LMLN: variants seen among roughly 807,000 people sequenced by gnomAD.
LMLN encodes leishmanolysin like peptidase.
LMLN carries 70 observed loss-of-function variants against 92.3 expected under a neutral mutation model. That is an observed-to-expected ratio of 0.76 (90% CI 0.63 to 0.92). LMLN has a LOEUF of 0.92. Ranked by LOEUF, LMLN falls within the 40% of genes least tolerant of loss-of-function variation. The pLI is 0.00. For synonymous variants in LMLN, 308 were observed against 296.2 expected (o/e 1.04, Z -0.41); for missense variants, 691 against 814.6 (o/e 0.85, Z 1.85).
At chr3:197,972,188 T>C (rs1721248669) in intron 1 of LMLN, among the ~76,000 whole-genome samples, 1 of 151,762 alleles carries the variant, frequency 6.6e-6, no homozygotes, top group Non-Finnish European at 1.5e-5. Flanking sequence ...CCTCAGCCTC[T>C]GGAGTGCTGG....
chr3:198,038,484 T>C, intron 15 of LMLN, 83 bp from the exon 17 acceptor site: 2 of 974,386 alleles, frequency 2.1e-6, no homozygotes, highest in Non-Finnish European at 3.3e-6. Flanking sequence ...TAATAATCAC[T>C]GCTCTTCATC....
chr3:198,024,462 A>C (rs534077126), intron 13 of LMLN, among the ~76,000 whole-genome samples, 196 bp from the exon 15 acceptor site: 1 of 152,076 alleles, frequency 6.6e-6, no homozygotes, highest in African/African-American at 2.4e-5. Context: ...TGATCTGCCC[A>C]CCTCAGCCTC....
intron 11 of LMLN, among the ~76,000 whole-genome samples, chr3:198,016,906 TA>T (rs1176481578): frequency 3.3e-5 from 5 of 152,150 alleles, no homozygotes; most frequent in African/African-American, 1.2e-4. Context: ...CCTCTACTTT[TA>T]TACAGCAAGA....
At chr3:197,960,283 G>A in exon 1 of LMLN, 2 of 1,613,686 alleles carry the variant, frequency 1.2e-6, no homozygotes, top group East Asian at 2.2e-5. Flanking sequence ...GGTTACTCGG[G>A]CTCAGGCCCG....
At chr3:198,026,716 G>A (rs1442801744) in intron 14 of LMLN, among the ~76,000 whole-genome samples, 1 of 152,186 alleles carries the variant, frequency 6.6e-6, no homozygotes, top group Non-Finnish European at 1.5e-5. Flanking sequence ...TTTTAATGGA[G>A]TATGGTGTTT....
chr3:198,013,723 C>T (rs1174798593), intron 11 of LMLN, among the ~76,000 whole-genome samples: 1 of 131,454 alleles, frequency 7.6e-6, no homozygotes. Context: ...CTTCTCTCCA[C>T]CCTTCAGAGT....
At chr3:197,992,203 C>T (rs1242611051) in intron 9 of LMLN, among the ~76,000 whole-genome samples, 6 of 151,936 alleles carry the variant, frequency 3.9e-5, no homozygotes, top group Admixed American at 6.6e-5. Context: ...TCTGTTTCTC[C>T]GGAGAACCTT....
At chr3:197,991,916 C>T (rs1429296487) in intron 9 of LMLN, among the ~76,000 whole-genome samples, 1 of 145,522 alleles carries the variant, frequency 6.9e-6, no homozygotes, top group African/African-American at 2.6e-5. Context: ...GGCTGGAGTG[C>T]AATGGCACGA....
At chr3:198,013,757 C>G (rs1256832343) in intron 11 of LMLN, among the ~76,000 whole-genome samples, 3 of 124,896 alleles carry the variant, frequency 2.4e-5, no homozygotes, top group Non-Finnish European at 3.3e-5. Context: ...TGACTTCTCT[C>G]CACCCTTCAG....
At chr3:198,008,043 T>C (rs1722339251) in intron 11 of LMLN, among the ~76,000 whole-genome samples, 2 of 152,236 alleles carry the variant, frequency 1.3e-5, no homozygotes, top group African/African-American at 2.4e-5. Flanking sequence ...TGGTTGATTT[T>C]CAAATATTAA....
At chr3:198,033,201 T>G (rs1370935951) in intron 14 of LMLN, among the ~76,000 whole-genome samples, 1 of 152,204 alleles carries the variant, frequency 6.6e-6, no homozygotes, top group Non-Finnish European at 1.5e-5. Flanking sequence ...CCATGTGCAT[T>G]CTGCTTCCCA....
chr3:197,981,472 TCTGTGCTAAAA>T (rs1721556365), intron 6 of LMLN, among the ~76,000 whole-genome samples: 1 of 152,248 alleles, frequency 6.6e-6, no homozygotes. Flanking sequence ...TTTTAGGACT[TCTGTGCTAAAA>T]CTGTGAAGAA....
chr3:197,999,314 A>G (rs1722109521), exon 11 of LMLN: 2 of 1,613,410 alleles, frequency 1.2e-6, no homozygotes, highest in Non-Finnish European at 1.7e-6. Flanking sequence ...ACTCTCTCGA[A>G]TCACTCTGGC....
chr3:197,970,124 C>T (rs145344888), intron 1 of LMLN, among the ~76,000 whole-genome samples: 2,586 of 151,946 alleles, frequency 0.017, 39 homozygotes, highest in African/African-American at 0.036. Flanking sequence ...TGCACTCCAG[C>T]CTGGGCAATA....
chr3:197,991,257 C>T (rs1216607079), intron 9 of LMLN, among the ~76,000 whole-genome samples: 2 of 151,934 alleles, frequency 1.3e-5, no homozygotes, highest in Non-Finnish European at 2.9e-5. Context: ...GCACGCACCA[C>T]CACGCCCAGC....
At chr3:198,014,993 C>CT (rs1722583488) in intron 11 of LMLN, among the ~76,000 whole-genome samples, 1 of 141,382 alleles carries the variant, frequency 7.1e-6, no homozygotes. Flanking sequence ...CGTTCAGAGC[C>CT]CGCTAACTAG....
At chr3:197,990,818 G>C in intron 9 of LMLN, 142 bp downstream of exon 9, 1 of 530,190 alleles carries the variant, frequency 1.9e-6, no homozygotes. Flanking sequence ...ATGCAATGAA[G>C]CTACGGGCCA....
chr3:198,003,428 G>A (rs1282416907), intron 11 of LMLN, among the ~76,000 whole-genome samples: 1 of 152,004 alleles, frequency 6.6e-6, no homozygotes, highest in East Asian at 1.9e-4. Context: ...GTCATTTGTG[G>A]TGTTTTCTTC....
exon 16 of LMLN, chr3:198,043,717 C>G (rs1233142712): frequency 6.6e-6 from 1 of 152,512 alleles, no homozygotes; most frequent in African/African-American, 2.4e-5. Context: ...AAAATGGAAA[C>G]TAATTTGCAT....
Sources: allele counts gnomAD v4.1 joint callset (sites outside exome capture counted in the v4.1 genomes callset), GRCh38; gene constraint gnomAD v4.1.1; transcripts MANE v1.5; gene names NCBI Gene and HGNC (gene_info 2026-07-23, HGNC 2026-07-21).